The following DLG2 variants were observed in gnomAD, a reference collection of about 807,000 sequenced individuals.
DLG2 encodes disks large homolog 2.
Under a neutral mutation model 132.5 loss-of-function variants are expected in DLG2, and 45 were observed. The observed-to-expected ratio is 0.34, with a 90% confidence interval of 0.27 to 0.44. The LOEUF (loss-of-function observed/expected upper bound fraction) is 0.44, where lower values mean the gene tolerates loss of function less well. DLG2 is among the 20% of genes least tolerant of loss of function. The pLI, the probability that DLG2 is intolerant of heterozygous loss-of-function variation, is 1.00. For synonymous variants in DLG2, 424 were observed against 419.6 expected (o/e 1.01, Z -0.13); for missense variants, 1,045 against 1,196.9 (o/e 0.87, Z 1.87).
intron 21 of DLG2, among the ~76,000 whole-genome samples, chr11:83,509,755 C>T (rs767222126): frequency 6.6e-6 from 1 of 151,982 alleles, no homozygotes; most frequent in Non-Finnish European, 1.5e-5. Flanking sequence ...ATACAACTCC[C>T]CCTTAATATA....
At chr11:85,470,684 T>C (rs934836919) in intron 3 of DLG2, among the ~76,000 whole-genome samples, 1 of 151,734 alleles carries the variant, frequency 6.6e-6, no homozygotes, top group Non-Finnish European at 1.5e-5. Context: ...GCCAAAATCA[T>C]GCCACAGCAC....
At chr11:85,204,254 G>A (rs1279698535) in intron 4 of DLG2, among the ~76,000 whole-genome samples, 1 of 152,134 alleles carries the variant, frequency 6.6e-6, no homozygotes, top group Non-Finnish European at 1.5e-5. Flanking sequence ...TTTTATCCTT[G>A]TTTGCAGAAG....
chr11:85,155,668 G>C (rs1489927146), intron 4 of DLG2, among the ~76,000 whole-genome samples: 1 of 152,050 alleles, frequency 6.6e-6, no homozygotes, highest in Non-Finnish European at 1.5e-5. Context: ...TCAGGAGTTT[G>C]AGACCAGCCT....
At chr11:84,861,896 T>G (rs918543986) in intron 6 of DLG2, among the ~76,000 whole-genome samples, 1 of 151,612 alleles carries the variant, frequency 6.6e-6, no homozygotes, top group African/African-American at 2.4e-5. Flanking sequence ...GGGACATGGA[T>G]GAAATTGGAA....
intron 4 of DLG2, among the ~76,000 whole-genome samples, chr11:85,187,129 C>T (rs1203323809): frequency 6.6e-6 from 1 of 152,096 alleles, no homozygotes; most frequent in Admixed American, 6.6e-5. Flanking sequence ...CTCGAAATCA[C>T]ATCTCAGTGG....
intron 3 of DLG2, among the ~76,000 whole-genome samples, chr11:85,456,294 G>A (rs1256087766): frequency 1.3e-5 from 2 of 152,140 alleles, no homozygotes; most frequent in Non-Finnish European, 1.5e-5. Context: ...TTGTATTTCT[G>A]TGGGGTTGGT....
intron 6 of DLG2, among the ~76,000 whole-genome samples, chr11:84,822,816 GTACTGT>G (rs2077858887): frequency 6.6e-6 from 1 of 151,900 alleles, no homozygotes. Context: ...TGGGTAAAAG[GTACTGT>G]TATTTGATCC....
intron 21 of DLG2, among the ~76,000 whole-genome samples, chr11:83,506,913 C>T (rs2139562103): frequency 6.6e-6 from 1 of 152,142 alleles, no homozygotes; most frequent in East Asian, 1.9e-4. Context: ...TGTTTTTCCA[C>T]AATTTCATCT....
At chr11:84,380,468 T>C (rs571098730) in intron 7 of DLG2, among the ~76,000 whole-genome samples, 2 of 152,014 alleles carry the variant, frequency 1.3e-5, no homozygotes, top group East Asian at 1.9e-4. Flanking sequence ...TGAAAACATA[T>C]ATATTTTTAA....
intron 18 of DLG2, among the ~76,000 whole-genome samples, chr11:83,754,114 G>A (rs1285235907): frequency 6.7e-6 from 1 of 150,056 alleles, no homozygotes; most frequent in African/African-American, 2.5e-5. Context: ...ACAATTGGGG[G>A]AAATTTATCC....
intron 19 of DLG2, among the ~76,000 whole-genome samples, chr11:83,627,134 A>G (rs973578455): frequency 8.5e-5 from 13 of 152,090 alleles, no homozygotes; most frequent in African/African-American, 2.9e-4. Context: ...CATGTGCCAG[A>G]TATCTAAATT....
At chr11:84,454,417 C>T (rs986716054) in intron 7 of DLG2, among the ~76,000 whole-genome samples, 7 of 151,482 alleles carry the variant, frequency 4.6e-5, no homozygotes, top group African/African-American at 1.7e-4. Flanking sequence ...ACTGCAACCA[C>T]TTCAGAAATG....
intron 18 of DLG2, among the ~76,000 whole-genome samples, chr11:83,666,453 C>T (rs1358411868): frequency 6.6e-6 from 1 of 152,134 alleles, no homozygotes; most frequent in African/African-American, 2.4e-5. Flanking sequence ...GTGAACTACA[C>T]ATGTGAGGGA....
intron 6 of DLG2, among the ~76,000 whole-genome samples, chr11:84,655,738 GTT>G (rs5793131): frequency 1.6e-4 from 22 of 135,130 alleles, no homozygotes; most frequent in African/African-American, 2.7e-4. Context: ...TTTTTTGTTT[GTT>G]TTTTTTTTTT....
rs2154056087 is a variant in DLG2, at chr11:84,883,546, T to C, written c.357+228115A>G. On this transcript the variant is annotated intron_variant, in intron 6 of 27. Transcript: ENST00000376104. ...TTAAAAAAAGAAAATTAAAAAAATA[T>C]TGTTCACATATCAATCTCCATTCCT... 1.3e-5 allele frequency among the ~76,000 whole-genome samples: 2 copies of C among 152,196 alleles called. 1 individual carries two copies. The highest frequency in any genetic ancestry group is 2.9e-5 in the Non-Finnish European group (2 of 67,988).
intron 21 of DLG2, among the ~76,000 whole-genome samples, chr11:83,528,171 C>A (rs577834385): frequency 6.6e-6 from 1 of 152,146 alleles, no homozygotes; most frequent in Non-Finnish European, 1.5e-5. Flanking sequence ...AGGCTACTGA[C>A]ACAATAGCCC....
chr11:84,375,953 T>C (rs1218702643), intron 7 of DLG2, among the ~76,000 whole-genome samples: 1 of 152,028 alleles, frequency 6.6e-6, no homozygotes, highest in East Asian at 1.9e-4. Flanking sequence ...ATAATTTCCA[T>C]TTCATACAAA....
At chr11:84,771,426 G>A (rs150369042) in intron 6 of DLG2, among the ~76,000 whole-genome samples, 55 of 152,262 alleles carry the variant, frequency 3.6e-4, no homozygotes, top group Middle Eastern at 3.4e-3. Flanking sequence ...TTTGAAAAGC[G>A]TCTGTTCATA....
At chr11:83,565,839 T>C (rs1198949458) in intron 19 of DLG2, among the ~76,000 whole-genome samples, 1 of 152,160 alleles carries the variant, frequency 6.6e-6, no homozygotes, top group Non-Finnish European at 1.5e-5. Context: ...TTCAAGAATA[T>C]TTCAATAACT....
Sources: allele counts gnomAD v4.1 joint callset (sites outside exome capture counted in the v4.1 genomes callset), GRCh38; gene constraint gnomAD v4.1.1; transcripts MANE v1.5; gene names NCBI Gene and HGNC (gene_info 2026-07-23, HGNC 2026-07-21).